Variants in NTN1 observed in about 807,000 individuals in gnomAD.
NTN1 encodes netrin-1.
Under a neutral mutation model 54.2 loss-of-function variants are expected in NTN1, and 11 were observed. The ratio of observed to expected loss-of-function variants is 0.20; its 90% confidence interval spans 0.13 to 0.34. The LOEUF (loss-of-function observed/expected upper bound fraction) is 0.34. Among genes scored for constraint, NTN1 ranks in the 10% least tolerant of loss-of-function variants. NTN1 has a pLI of 1.00. For missense variants in NTN1, 740 were observed against 893.1 expected, an observed-to-expected ratio of 0.83 and a Z score of 2.18; for synonymous variants, 371 against 382.0, an observed-to-expected ratio of 0.97 and a Z score of 0.33.
At chr17:9,137,449 G>T (rs536323936) in intron 2 of NTN1, among the ~76,000 whole-genome samples, 1 of 152,294 alleles carries the variant, frequency 6.6e-6, no homozygotes, top group African/African-American at 2.4e-5. Flanking sequence ...CCAATGAACA[G>T]AGCACAGAGT....
chr17:9,096,737 T>C (rs1336382679), intron 2 of NTN1, among the ~76,000 whole-genome samples: 1 of 152,202 alleles, frequency 6.6e-6, no homozygotes, highest in African/African-American at 2.4e-5. Flanking sequence ...TCTTTTCTTG[T>C]CTTCTTGCAT....
chr17:9,203,590 G>T (rs1904874432), intron 5 of NTN1, among the ~76,000 whole-genome samples: 1 of 152,042 alleles, frequency 6.6e-6, no homozygotes, highest in Non-Finnish European at 1.5e-5. Flanking sequence ...CTTGAGGTCA[G>T]GAGCTTGAGA....
intron 3 of NTN1, among the ~76,000 whole-genome samples, chr17:9,167,337 A>G (rs549604681): frequency 1.3e-5 from 2 of 152,340 alleles, no homozygotes; most frequent in African/African-American, 4.8e-5. Context: ...ACGACCAAAG[A>G]CGACGTTGCT....
chr17:9,132,624 C>T (rs1476545027), intron 2 of NTN1, among the ~76,000 whole-genome samples: 3 of 152,142 alleles, frequency 2.0e-5, no homozygotes, highest in Non-Finnish European at 4.4e-5. Context: ...CCTGTAACCC[C>T]ACCACTTTGG....
At chr17:9,019,088 G>A (rs1166081428), upstream of NTN1, among the ~76,000 whole-genome samples, 2 of 152,224 alleles carry the variant, frequency 1.3e-5, no homozygotes, top group African/African-American at 2.4e-5. Flanking sequence ...GGACAAATTT[G>A]TGGCCCACTC....
chr17:9,148,714 G>A (rs1012817497), intron 2 of NTN1, among the ~76,000 whole-genome samples: 2 of 151,954 alleles, frequency 1.3e-5, no homozygotes, highest in Admixed American at 6.6e-5. Context: ...TTGGGCACAC[G>A]GGGGTCCAGC....
intron 2 of NTN1, among the ~76,000 whole-genome samples, chr17:9,034,621 C>T (rs966260130): frequency 3.3e-5 from 5 of 151,728 alleles, no homozygotes; most frequent in Non-Finnish European, 7.4e-5. Context: ...CGGGGTTTCA[C>T]CATGCTGGCC....
At chr17:9,205,340 A>C (rs1393400355) in intron 5 of NTN1, among the ~76,000 whole-genome samples, 1 of 152,228 alleles carries the variant, frequency 6.6e-6, no homozygotes, top group Admixed American at 6.5e-5. Flanking sequence ...TCCCTTGAAA[A>C]GGGGCAGCCA....
At chr17:9,230,435 C>T (rs551207617) in intron 6 of NTN1, among the ~76,000 whole-genome samples, 1 of 101,728 alleles carries the variant, frequency 9.8e-6, no homozygotes, top group East Asian at 3.3e-4. Flanking sequence ...TCTGATTTCC[C>T]CCACCAGATG....
At chr17:9,105,600 A>C (rs2092163159) in intron 2 of NTN1, among the ~76,000 whole-genome samples, 1 of 152,070 alleles carries the variant, frequency 6.6e-6, no homozygotes. Flanking sequence ...CCTAGCTGAG[A>C]AACAGGATTT....
chr17:9,239,475 T>TG lies in NTN1; in HGVS notation c.1487-160dup, dbSNP rs1227563450. 2.6e-5 allele frequency among the ~76,000 whole-genome samples: 4 copies of TG among 152,006 alleles called. No individual in the cohort carries two copies. Among genetic ancestry groups the TG allele is most frequent in the Non-Finnish European group, 5.9e-5 (4 of 67,980 alleles). ...GCTTCTTGGCCCTGTTGTTAGCAGG[T>TG]GGGGGTCTACGATCAGCTTGCCACC... On this transcript the variant is annotated intron_variant, in intron 6 of 6. Transcript: ENST00000173229. This position sits in a 1 kb window ranked among gnomAD's most constrained non-coding sequence, Gnocchi z 5.2.
chr17:9,235,084 T>A (rs896698079), intron 6 of NTN1, among the ~76,000 whole-genome samples: 9 of 150,184 alleles, frequency 6.0e-5, no homozygotes, highest in African/African-American at 2.2e-4. Flanking sequence ...TGCCTCAGCC[T>A]CCCCAGTAGC....
chr17:9,137,683 A>T (rs2092285109), intron 2 of NTN1, among the ~76,000 whole-genome samples: 1 of 152,106 alleles, frequency 6.6e-6, no homozygotes, highest in Non-Finnish European at 1.5e-5. Flanking sequence ...AATCCCAGCT[A>T]CTTGGGAGGC....
chr17:9,123,297 C>A (rs2092236730), intron 2 of NTN1, among the ~76,000 whole-genome samples: 1 of 152,156 alleles, frequency 6.6e-6, no homozygotes, highest in African/African-American at 2.4e-5. Flanking sequence ...ACAGGTTGAA[C>A]ATTTTTCACA....
intron 2 of NTN1, among the ~76,000 whole-genome samples, chr17:9,080,369 GA>G (rs1416901348): frequency 1.3e-5 from 2 of 152,124 alleles, no homozygotes; most frequent in African/African-American, 4.8e-5. Context: ...AGGTCTCACC[GA>G]TCCCATTCAC....
At chr17:9,231,953 T>C (rs985494013) in intron 6 of NTN1, among the ~76,000 whole-genome samples, 1 of 152,108 alleles carries the variant, frequency 6.6e-6, no homozygotes, top group African/African-American at 2.4e-5. Context: ...TGGGTGGTTC[T>C]CGATGGCATG....
Position 9,221,733 on chromosome 17 carries a change from A to G in NTN1, c.1486+491A>G, listed in dbSNP as rs1323528920. On this transcript the variant is annotated intron_variant, in intron 6 of 6. Coordinates refer to ENST00000173229, the MANE Select transcript of NTN1 (RefSeq NM_004822.3). The surrounding 1 kb of genome is among the most constrained non-coding windows in gnomAD (Gnocchi z 4.5). ...TGTAAACGGCTCACCACTCATTCCC[A>G]TGCACCGGAAGTTCCGCTGCCCAGA... Among the ~76,000 whole-genome samples the G allele has an allele frequency of 1.3e-5, 2 of 152,064 alleles. No homozygotes were observed. Among genetic ancestry groups the G allele is most frequent in the African/African-American group, 4.8e-5 (2 of 41,404 alleles).
intron 2 of NTN1, among the ~76,000 whole-genome samples, chr17:9,124,081 C>T (rs190965593): frequency 2.2e-4 from 34 of 152,316 alleles, no homozygotes; most frequent in Admixed American, 5.9e-4. Flanking sequence ...TCACGCAGTG[C>T]CTGCCACCTA....
At chr17:9,233,067 T>A (rs1450342295) in intron 6 of NTN1, among the ~76,000 whole-genome samples, 105 of 151,948 alleles carry the variant, frequency 6.9e-4, no homozygotes, top group African/African-American at 2.4e-3. Context: ...AAGGTATGGC[T>A]GTGTAGGGGA....
Sources: allele counts gnomAD v4.1 joint callset (sites outside exome capture counted in the v4.1 genomes callset), GRCh38; gene constraint gnomAD v4.1.1; non-coding constraint Gnocchi (gnomAD v3.1); transcripts MANE v1.5; gene names NCBI Gene and HGNC (gene_info 2026-07-23, HGNC 2026-07-21).